Variants in GALNT13 observed in about 807,000 individuals in gnomAD.
GALNT13 encodes polypeptide N-acetylgalactosaminyltransferase 13.
In GALNT13, 28 loss-of-function variants were observed where a neutral mutation model predicts 64.2. The observed-to-expected ratio is 0.44, with a 90% CI of 0.32 to 0.60. The LOEUF is 0.60. Among genes scored for constraint, GALNT13 ranks in the 20% least tolerant of loss-of-function variants. The pLI is 0.05. For missense variants in GALNT13, 577 were observed against 669.8 expected (o/e 0.86, Z 1.53); for synonymous variants, 214 against 224.6 (o/e 0.95, Z 0.42).
chr2:154,191,067 T>C (rs1686551125), intron 4 of GALNT13, among the ~76,000 whole-genome samples: 2 of 152,214 alleles, frequency 1.3e-5, no homozygotes, highest in African/African-American at 4.8e-5. Flanking sequence ...TAAAATATTC[T>C]CTCTGAACTC....
the GALNT13 span, among the ~76,000 whole-genome samples, chr2:153,599,409 T>C: frequency 6.6e-6 from 1 of 152,058 alleles, no homozygotes; most frequent in Admixed American, 6.6e-5. Flanking sequence ...CCTTTCTTGG[T>C]CTTTGGTAAG....
chr2:154,319,542 G>T (rs1292199279), intron 9 of GALNT13, among the ~76,000 whole-genome samples: 3 of 151,900 alleles, frequency 2.0e-5, no homozygotes, highest in African/African-American at 7.3e-5. Flanking sequence ...GTATGTGCCT[G>T]TAATCCCAGC....
the GALNT13 span, among the ~76,000 whole-genome samples, chr2:153,215,187 A>T: frequency 6.6e-6 from 1 of 152,078 alleles, no homozygotes; most frequent in Non-Finnish European, 1.5e-5. Flanking sequence ...CATAGTAAAA[A>T]GTCCCCCTCC....
intron 1 of GALNT13, among the ~76,000 whole-genome samples, chr2:153,874,050 T>C (rs1686180876): frequency 6.6e-6 from 1 of 151,988 alleles, no homozygotes; most frequent in Non-Finnish European, 1.5e-5. Flanking sequence ...GAATGACTTT[T>C]GCATTACATT....
At chr2:154,237,148 A>G (rs1222109357) in intron 4 of GALNT13, among the ~76,000 whole-genome samples, 1 of 151,906 alleles carries the variant, frequency 6.6e-6, no homozygotes, top group Non-Finnish European at 1.5e-5. Context: ...TGTGAAATGA[A>G]ACTTTGAATT....
At chr2:153,825,106 G>C in the GALNT13 span, among the ~76,000 whole-genome samples, 2 of 152,160 alleles carry the variant, frequency 1.3e-5, no homozygotes, top group Non-Finnish European at 2.9e-5. Context: ...TCTAGGTATT[G>C]CTGTGAATTG....
the GALNT13 span, among the ~76,000 whole-genome samples, chr2:153,282,121 T>C: frequency 8.1e-3 from 1,226 of 150,462 alleles, 22 homozygotes; most frequent in African/African-American, 0.028. Context: ...TCTTAAAAAA[T>C]TTTTTTTTCT....
the GALNT13 span, among the ~76,000 whole-genome samples, chr2:153,534,503 G>A: frequency 6.7e-6 from 1 of 148,166 alleles, no homozygotes; most frequent in Admixed American, 6.7e-5. Flanking sequence ...ATGCTAGCAA[G>A]TTAGGCCCCT....
the GALNT13 span, among the ~76,000 whole-genome samples, chr2:153,069,718 T>C: frequency 6.6e-6 from 1 of 152,170 alleles, no homozygotes; most frequent in Non-Finnish European, 1.5e-5. Flanking sequence ...GTCCTACAAA[T>C]AGCACAGATG....
At chr2:153,731,981 GC>G in the GALNT13 span, among the ~76,000 whole-genome samples, 1 of 151,868 alleles carries the variant, frequency 6.6e-6, no homozygotes, top group Non-Finnish European at 1.5e-5. Flanking sequence ...GTCATGTGTT[GC>G]TTTTTTGAAA....
Position 154,067,453 on chromosome 2 carries a change from T to TA in GALNT13, c.143-72884_143-72883insA, listed in dbSNP as rs1700525935. Among the ~76,000 whole-genome samples the TA allele has an allele frequency of 3.3e-5, 5 of 152,064 alleles. No individual in the cohort carries two copies. In the South Asian group the frequency reaches 1.0e-3, roughly 32 times the overall value. Reference sequence around the variant, plus strand: ...AAACAGATAAAAAAATGACATTCCATGCAAAGTAAAACTAAAAAAGAGCAG... The same window carrying TA: ...AAACAGATAAAAAAATGACATTCCATAGCAAAGTAAAACTAAAAAAGAGCAG... On this transcript the variant is annotated intron_variant, in intron 3 of 12. Coordinates refer to ENST00000392825, the MANE Select transcript of GALNT13 (RefSeq NM_052917.4).
intron 11 of GALNT13, among the ~76,000 whole-genome samples, chr2:154,412,609 G>T (rs377223953): frequency 2.0e-5 from 3 of 151,396 alleles, no homozygotes; most frequent in South Asian, 4.2e-4. Context: ...TAGGAGTTTT[G>T]ATAGTTTAGG....
the GALNT13 span, among the ~76,000 whole-genome samples, chr2:153,345,635 T>TTTTCTTTCTC: frequency 1.5e-5 from 1 of 68,806 alleles, no homozygotes; most frequent in East Asian, 3.6e-4. Context: ...TTTCCTTTCT[T>TTTTCTTTCTC]TTTCTTTCTT....
Position 154,341,216 on chromosome 2 carries a change from G to C in GALNT13, c.1156+39627G>C, listed in dbSNP as rs545205944. ...ATCACCCACAATGCCTGTATGAAAA[G>C]GTGTTCACTTACCCAGCAAATATAT... On this transcript the variant is annotated intron_variant, in intron 9 of 12. Transcript: ENST00000392825. 3.9e-5 allele frequency among the ~76,000 whole-genome samples: 6 copies of C among 152,064 alleles called. No individual in the cohort carries two copies. In the South Asian group the frequency reaches 1.2e-3, roughly 32 times the overall value.
intron 3 of GALNT13, among the ~76,000 whole-genome samples, chr2:154,054,551 C>A (rs986366366): frequency 1.3e-5 from 2 of 151,964 alleles, no homozygotes; most frequent in Admixed American, 1.3e-4. Flanking sequence ...TGATTATTTT[C>A]ATTTTAAAAA....
the GALNT13 span, among the ~76,000 whole-genome samples, chr2:153,727,888 C>A: frequency 6.6e-6 from 1 of 152,136 alleles, no homozygotes; most frequent in Non-Finnish European, 1.5e-5. Flanking sequence ...AATGCTCTCC[C>A]TCCACTTTCC....
At chr2:153,069,709 T>C in the GALNT13 span, among the ~76,000 whole-genome samples, 1 of 152,320 alleles carries the variant, frequency 6.6e-6, no homozygotes, top group South Asian at 2.1e-4. Flanking sequence ...GAAGGTGATG[T>C]CCTACAAATA....
At chr2:153,261,800 C>T in the GALNT13 span, among the ~76,000 whole-genome samples, 37 of 152,170 alleles carry the variant, frequency 2.4e-4, no homozygotes, top group African/African-American at 8.4e-4. Context: ...CTCTTGCCTC[C>T]CTTTTCCTCA....
chr2:153,399,613 G>T, the GALNT13 span, among the ~76,000 whole-genome samples: 2 of 151,720 alleles, frequency 1.3e-5, no homozygotes, highest in Non-Finnish European at 2.9e-5. Context: ...GCAGTGGTTT[G>T]TAGTTCTCCT....
Sources: gnomAD v4.1 joint callset for allele counts (sites outside exome capture counted in the v4.1 genomes callset) on GRCh38, gnomAD v4.1.1 for gene constraint, MANE v1.5 for transcripts, NCBI Gene and HGNC (gene_info 2026-07-23, HGNC 2026-07-21) for gene names.